WNK4: variants seen among roughly 807,000 people sequenced by gnomAD.
The protein encoded by WNK4 is serine/threonine-protein kinase WNK4.
A neutral mutation model predicts 116.2 loss-of-function variants in WNK4; 94 were observed. That is an observed-to-expected ratio of 0.81 (90% CI 0.68 to 0.96). The LOEUF (loss-of-function observed/expected upper bound fraction) is 0.96, where lower values mean the gene tolerates loss of function less well. Among genes scored for constraint, WNK4 ranks in the 40% least tolerant of loss-of-function variants. The pLI, the probability that WNK4 is intolerant of heterozygous loss-of-function variation, is 0.00. For missense variants in WNK4, 1,542 were observed against 1,650.6 expected (o/e 0.93, Z 1.14); for synonymous variants, 655 against 672.7 (o/e 0.97, Z 0.41).
intron 6 of WNK4, among the ~76,000 whole-genome samples, chr17:42,786,810 C>G (rs1239364153): frequency 1.3e-5 from 2 of 152,356 alleles, no homozygotes; most frequent in Non-Finnish European, 2.9e-5. Context: ...ACGGCCCAAC[C>G]TGACCTGAGA....
chr17:42,782,129 C>T lies in WNK4; in HGVS notation c.619-629C>T, dbSNP rs898310260. Among the ~76,000 whole-genome samples, 1 of 152,172 alleles carries T rather than the reference C, an allele frequency of 6.6e-6. No individual in the cohort carries two copies. Among genetic ancestry groups the T allele is most frequent in the African/African-American group, 2.4e-5 (1 of 41,434 alleles). ...GTCCCTCTCCAGCCCTGGCACAGGG[C>T]TCGCCCCTTGCGCCTGCCAGTGCCG... On this transcript the variant is annotated intron_variant, in intron 1 of 18. Transcript: ENST00000246914. This position sits in a 1 kb window ranked among gnomAD's most constrained non-coding sequence, Gnocchi z 4.2.
rs1597903338 is a variant in WNK4, at chr17:42,794,266, C to G, written c.2296-348C>G. 1.6e-5 allele frequency: 6 copies of G among 377,536 alleles called. No individual in the cohort carries two copies. In the East Asian group the frequency reaches 3.4e-4, roughly 21 times the overall value. 23.4% of individuals were successfully genotyped at this position (377,536 alleles called of 1,614,324 possible). A position where few individuals can be genotyped will look rare whatever the true frequency, so the allele number is the denominator to read the frequency against. ...TTAACTCATTATTTTGAAATAATTT[C>G]AGACTTGTGGAGAGAAGTTGCAAGA... On this transcript the variant is annotated intron_variant, in intron 12 of 18. Transcript: ENST00000246914.
chr17:42,794,492 C>A, intron 12 of WNK4, 122 bp from the exon 13 acceptor site: 1 of 1,057,190 alleles, frequency 9.5e-7, no homozygotes, highest in Non-Finnish European at 1.4e-6. Context: ...TTCTGAATCC[C>A]TTGAAACTCA....
At position 42,785,379 on chromosome 17, in the gene WNK4, G is replaced by A. The variant is rs368869602; in HGVS notation, c.1373G>A (p.Arg458His). 3 of 1,601,430 alleles carry A rather than the reference G, an allele frequency of 1.9e-6. No individual in the cohort carries two copies. Among genetic ancestry groups the A allele is most frequent in the African/African-American group, 1.3e-5 (1 of 74,752 alleles). ...GEKPGLKLWL[R>H]MEDARRGGRP... ...AAGCCGGGCCTCAAGCTCTGGCTGC[G>A]CATGGAGGACGCGCGGCGCGGGGGG... The change falls in exon 6 of 19, where the codon CGC (arginine) becomes CAC (histidine). Residue 458 changes from arginine to histidine, a missense_variant. By Grantham distance (29) the Arg-to-His change is conservative (BLOSUM62 0). Coordinates refer to ENST00000246914, the MANE Select transcript of WNK4 (RefSeq NM_032387.5).
At chr17:42,793,946 G>A (rs1047610448) in intron 12 of WNK4, 38 of 541,450 alleles carry the variant, frequency 7.0e-5, no homozygotes, top group African/African-American at 6.0e-5. Flanking sequence ...TCCGCCTCCC[G>A]GGTTCACGCC....
rs1458292054 is a variant in WNK4 at position 42,784,215 on chromosome 17, C to G, written c.1012+58C>G. On this transcript the variant is annotated intron_variant, in intron 3 of 18. Coordinates refer to ENST00000246914, the MANE Select transcript of WNK4 (RefSeq NM_032387.5). The surrounding 1 kb of genome is among the most constrained non-coding windows in gnomAD (Gnocchi z 4.4). The stretch of plus-strand genomic sequence containing the variant: ...TTCCTCCCCCACCTCAGAAGAGAAC[C>G]TGGGGACTCCCTCCCCTCAGCAAGG... 11 of 1,594,412 alleles carry G rather than the reference C, an allele frequency of 6.9e-6. No individual in the cohort carries two copies. Among genetic ancestry groups the G allele is most frequent in the Admixed American group, 1.7e-5 (1 of 59,900 alleles).
chr17:42,790,166 GA>G (rs1568030976), intron 11 of WNK4, among the ~76,000 whole-genome samples: 1 of 152,156 alleles, frequency 6.6e-6, no homozygotes, highest in African/African-American at 2.4e-5. Context: ...TTATGGGAGG[GA>G]AGAGGAGAAA....
In WNK4 at chr17:42,784,666, G is replaced by T; in HGVS notation, c.1170+87G>T. Reference sequence around the variant, plus strand: ...GGCCAGCCCGCAGTCAATGCCCTTTGCCTGCACGAAAACAGGCTAGACACA... The same window carrying T: ...GGCCAGCCCGCAGTCAATGCCCTTTTCCTGCACGAAAACAGGCTAGACACA... On this transcript the variant is annotated intron_variant, in intron 4 of 18. Transcript: ENST00000246914. This position sits in a 1 kb window ranked among gnomAD's most constrained non-coding sequence, Gnocchi z 4.4. 2 of 1,557,766 alleles carry T rather than the reference G, an allele frequency of 1.3e-6. No individual in the cohort carries two copies. Among genetic ancestry groups the T allele is most frequent in the Middle Eastern group, 2.1e-4 (1 of 4,698 alleles).
At position 42,793,745 on chromosome 17, in the gene WNK4, G is replaced by A. The variant is rs202150421; in HGVS notation, c.2295+16G>A. ...AAGCCCCCAGGTCAGACCCCTTGGT[G>A]GACACTTCCAGGGGAAATGGACTCT... On this transcript the variant is annotated intron_variant, in intron 12 of 18. Coordinates refer to ENST00000246914, the MANE Select transcript of WNK4 (RefSeq NM_032387.5). 1.5e-3 allele frequency: 2,413 copies of A among 1,613,774 alleles called. 54 individuals are homozygous for A. In the South Asian group the frequency reaches 0.024, roughly 16 times the overall value.
Position 42,781,016 on chromosome 17 carries a change from C to A in WNK4, c.318C>A (p.Pro106=), listed in dbSNP as rs1286959144. Residue 106 remains proline, a synonymous_variant, in exon 1 of 19, where the codon CCC becomes CCA. Transcript: ENST00000246914. The stretch of plus-strand genomic sequence containing the variant: ...CACCGCCTAGCTCCAAAGAACCCCC[C>A]GAGGGCACGTGGACCGAGGGAGCCC... ...RSPPPSSKEP[P]EGTWTEGAPV... 3 of 1,610,266 alleles carry A rather than the reference C, an allele frequency of 1.9e-6. No individual in the cohort carries two copies. In the East Asian group the frequency reaches 6.7e-5, roughly 36 times the overall value.
rs752330273 is a variant in WNK4 at position 42,785,087 on chromosome 17, C to G, written c.1171-10C>G. The G allele has an allele frequency of 9.3e-6, 15 of 1,610,996 alleles. No individual in the cohort carries two copies. The highest frequency in any genetic ancestry group is 1.3e-5 in the Non-Finnish European group (15 of 1,178,920). ...AGAGGACGGGAGGTGTCATGCAACCCCTTCCCCAGGGCAGAAAGCCGAACA... is the reference window on the plus strand; with the variant it reads ...AGAGGACGGGAGGTGTCATGCAACCGCTTCCCCAGGGCAGAAAGCCGAACA... On this transcript the variant is annotated splice_polypyrimidine_tract_variant and intron_variant, in intron 4 of 18. Transcript: ENST00000246914.
rs2054497090 is a variant in WNK4 at position 42,782,616 on chromosome 17, C to T, written c.619-142C>T. On this transcript the variant is annotated intron_variant, in intron 1 of 18. Coordinates refer to ENST00000246914, the MANE Select transcript of WNK4 (RefSeq NM_032387.5). This position sits in a 1 kb window ranked among gnomAD's most constrained non-coding sequence, Gnocchi z 4.2. ...CTGTTGGAGAGTTCAGGGTCTGCAG[C>T]CCACTGGGCAAGTAATCCCATTAAC... 6.3e-6 allele frequency: 6 copies of T among 954,102 alleles called. No homozygotes were observed. Among genetic ancestry groups the T allele is most frequent in the Admixed American group, 4.1e-5 (2 of 49,282 alleles). The allele number at this position is 954,102 out of a possible 1,614,324, so 59.1% of individuals were successfully genotyped here.
chr17:42,780,906 C>G lies in WNK4; in HGVS notation c.208C>G (p.Leu70Val). ...SRRSSVDLGL[L>V]SSWSLPASPA... is the part of the protein sequence containing the mutation. The stretch of plus-strand genomic sequence containing the variant: ...CCGTAGCTCAGTCGACTTGGGGCTG[C>G]TGAGCTCTTGGTCCCTGCCAGCCTC... The change falls in exon 1 of 19, where the codon CTG becomes GTG. Residue 70 changes from leucine (L) to valine (V), a missense_variant. Physicochemically the swap from Leu to Val is conservative, Grantham distance 32 (BLOSUM62 1). Coordinates refer to ENST00000246914, the MANE Select transcript of WNK4 (RefSeq NM_032387.5). 2 of 1,607,738 alleles carry G rather than the reference C, an allele frequency of 1.2e-6. No homozygotes were observed. Among genetic ancestry groups the G allele is most frequent in the Non-Finnish European group, 1.7e-6 (2 of 1,179,686 alleles).
chr17:42,788,870 C>A, intron 11 of WNK4, 73 bp downstream of exon 11: 2 of 1,179,618 alleles, frequency 1.7e-6, no homozygotes, highest in South Asian at 1.2e-5. Context: ...TCCGCTGGGG[C>A]TGAAACCCAC....
In WNK4 at chr17:42,793,714, C is replaced by T. The variant is rs771945356; in HGVS notation, c.2280C>T (p.Asp760=). 6.2e-7 allele frequency: 1 copy of T among 1,614,122 alleles called. No homozygotes were observed. The highest frequency in any genetic ancestry group is 1.1e-5 in the South Asian group (1 of 91,084). The part of the protein sequence containing the change: ...RDTGPMEAAE[D]TLSPQEEPAP... ...CTGGCCCCATGGAGGCTGCTGAAGA[C>T]ACCCTAAGCCCCCAGGTCAGACCCC... The change falls in exon 12 of 19, where the codon GAC becomes GAT. Residue 760 remains aspartate (D), a synonymous_variant. Transcript: ENST00000246914.
chr17:42,793,649 G>C lies in WNK4; in HGVS notation c.2215G>C (p.Glu739Gln). ...ERDGFLRRIREIIQRVETLLK... is the reference protein window; with the variant it reads ...ERDGFLRRIRQIIQRVETLLK... ...AGATGGATTTCTCAGACGGATTCGG[G>C]AGATTATCCAGCGAGTGGAGACCCT... Residue 739 changes from glutamate (E) to glutamine (Q), a missense_variant, in exon 12 of 19, where the codon GAG (glutamate) becomes CAG (glutamine). Coordinates refer to ENST00000246914, the MANE Select transcript of WNK4 (RefSeq NM_032387.5). The C allele has an allele frequency of 3.7e-6, 6 of 1,614,102 alleles. No homozygotes were observed. Among genetic ancestry groups the C allele is most frequent in the Non-Finnish European group, 5.1e-6 (6 of 1,180,022 alleles).
intron 11 of WNK4, among the ~76,000 whole-genome samples, 154 bp downstream of exon 11, chr17:42,788,951 C>A (rs1439545609): frequency 6.6e-6 from 1 of 152,076 alleles, no homozygotes. Context: ...TGTCTCAGCC[C>A]TTGTTTTGGG....
At chr17:42,792,052 G>C (rs2054612783) in intron 11 of WNK4, among the ~76,000 whole-genome samples, 1 of 152,172 alleles carries the variant, frequency 6.6e-6, no homozygotes, top group African/African-American at 2.4e-5. Flanking sequence ...GAACAGCCTG[G>C]AATAGAGGAA....
rs1279815902 is a variant in WNK4, at chr17:42,796,186, C to G, written c.3495C>G (p.Ser1165Arg). ...LQKKEIEDLY[S>R]RLGKQPPPGI... ...AAAAAGAAATTGAAGATTTGTACAG[C>G]CGGCTGGGGAAGCAGCCCCCACCGG... Residue 1165 changes from serine (S) to arginine (R), a missense_variant, in exon 17 of 19, where the codon AGC becomes AGG. Transcript: ENST00000246914. 3.1e-6 allele frequency: 5 copies of G among 1,613,940 alleles called. No homozygotes were observed. Among genetic ancestry groups the G allele is most frequent in the Non-Finnish European group, 4.2e-6 (5 of 1,180,022 alleles).
Sources: gnomAD v4.1 joint callset for allele counts (sites outside exome capture counted in the v4.1 genomes callset) on GRCh38, gnomAD v4.1.1 for gene constraint, Gnocchi (gnomAD v3.1) non-coding constraint, MANE v1.5 for transcripts, NCBI Gene and HGNC (gene_info 2026-07-23, HGNC 2026-07-21) for gene names.